SEC24B: variants seen among roughly 807,000 people sequenced by gnomAD.
SEC24B encodes SEC24 homolog B, COPII component, also known as protein transport protein Sec24B.
SEC24B carries 45 observed loss-of-function variants against 142.8 expected under a neutral mutation model. That is an observed-to-expected ratio of 0.32 (90% CI 0.25 to 0.40). SEC24B has a LOEUF of 0.40. Ranked by LOEUF, SEC24B falls within the 10% of genes least tolerant of loss-of-function variation. The probability of loss-of-function intolerance (pLI) is 1.00; values close to 1 mark genes in which losing one functional copy is unlikely to be tolerated. For missense variants in SEC24B, 1,409 were observed against 1,526.8 expected, an observed-to-expected ratio of 0.92 and a Z score of 1.29; for synonymous variants, 574 against 568.2, an observed-to-expected ratio of 1.01 and a Z score of -0.15.
At chr4:109,507,545 A>G (rs1347844038) in intron 7 of SEC24B, among the ~76,000 whole-genome samples, 1 of 152,086 alleles carries the variant, frequency 6.6e-6, no homozygotes, top group African/African-American at 2.4e-5. Context: ...AAGTGGTGGG[A>G]TTATAGGTGT....
intron 11 of SEC24B, among the ~76,000 whole-genome samples, chr4:109,517,164 A>G (rs905601367): frequency 6.6e-6 from 1 of 152,172 alleles, no homozygotes. Flanking sequence ...ATATATCTGC[A>G]CTCCCATGTT....
chr4:109,480,018 C>G (rs1313006334), intron 3 of SEC24B, among the ~76,000 whole-genome samples: 1 of 151,922 alleles, frequency 6.6e-6, no homozygotes, highest in African/African-American at 2.4e-5. Context: ...TTATTTACAT[C>G]GATTTTTATT....
In SEC24B at chr4:109,539,847, C is replaced by G; in HGVS notation, c.*172C>G. On this transcript the variant is annotated 3_prime_UTR_variant, in exon 24 of 24. Coordinates refer to ENST00000265175, the MANE Select transcript of SEC24B (RefSeq NM_006323.5). Reference sequence around the variant, plus strand: ...AAGGGGAAGAAAGAACTTGACAGATCTTTTTCAACTCAAATTAATGGTAAC... The same window carrying G: ...AAGGGGAAGAAAGAACTTGACAGATGTTTTTCAACTCAAATTAATGGTAAC... 1 of 576,430 alleles carries G rather than the reference C, an allele frequency of 1.7e-6. No homozygotes were observed. The highest frequency in any genetic ancestry group is 3.0e-6 in the Non-Finnish European group (1 of 328,344). 35.7% of individuals were successfully genotyped at this position (576,430 alleles called of 1,614,324 possible). A position where few individuals can be genotyped will look rare whatever the true frequency, so the allele number is the denominator to read the frequency against.
At chr4:109,450,967 A>G (rs1730019209) in intron 1 of SEC24B, 1 of 152,022 alleles carries the variant, frequency 6.6e-6, no homozygotes, top group Non-Finnish European at 1.5e-5. Flanking sequence ...TAGACACCCA[A>G]TCAGCATAAC....
chr4:109,539,535 G>A, intron 23 of SEC24B, 26 bp from the exon 24 acceptor site: 1 of 1,430,330 alleles, frequency 7.0e-7, no homozygotes, highest in Non-Finnish European at 9.9e-7. Flanking sequence ...AATACGTTTA[G>A]ACAAATGCCC....
At chr4:109,497,751 A>G (rs1411179439) in intron 6 of SEC24B, among the ~76,000 whole-genome samples, 1 of 152,184 alleles carries the variant, frequency 6.6e-6, no homozygotes, top group African/African-American at 2.4e-5. Flanking sequence ...GTGTGGGGCC[A>G]TTATGAATGA....
At chr4:109,535,401 A>T (rs1015572723) in intron 22 of SEC24B, among the ~76,000 whole-genome samples, 2 of 151,886 alleles carry the variant, frequency 1.3e-5, no homozygotes, top group South Asian at 4.2e-4. Flanking sequence ...AAAAATACAA[A>T]AAAAATTAGC....
chr4:109,433,901 C>T lies in SEC24B; in HGVS notation c.32C>T (p.Ala11Val), dbSNP rs1213689879. MSAPAGSSHP[A>V]ASARIPPKFG... ...GCCCCCGCCGGGTCCTCTCACCCGG[C>T]CGCCAGCGCCCGGATCCCGCCCAAG... Residue 11 changes from alanine to valine, a missense_variant, in exon 1 of 24, where the codon GCC (alanine) becomes GTC (valine). Coordinates refer to ENST00000265175, the MANE Select transcript of SEC24B (RefSeq NM_006323.5). 3.0e-6 allele frequency: 4 copies of T among 1,339,612 alleles called. No homozygotes were observed. Among genetic ancestry groups the T allele is most frequent in the Admixed American group, 6.2e-5 (2 of 32,232 alleles). 83.0% of individuals were successfully genotyped at this position (1,339,612 alleles called of 1,614,324 possible).
intron 19 of SEC24B, among the ~76,000 whole-genome samples, chr4:109,530,895 CAAAAAA>C (rs35997146): frequency 6.5e-5 from 3 of 46,342 alleles, no homozygotes; most frequent in Non-Finnish European, 8.8e-5. Flanking sequence ...GACTCCGTCT[CAAAAAA>C]AAAAAAAAAA....
chr4:109,486,604 A>T (rs1399954237), intron 4 of SEC24B, among the ~76,000 whole-genome samples: 1 of 152,152 alleles, frequency 6.6e-6, no homozygotes, highest in Non-Finnish European at 1.5e-5. Context: ...ATTTCCAAGT[A>T]CTGCATTTCA....
chr4:109,434,044 G>C (rs1728126420), intron 1 of SEC24B, 42 bp downstream of exon 1: 1 of 1,062,514 alleles, frequency 9.4e-7, no homozygotes, highest in Non-Finnish European at 1.1e-6. Context: ...CCTAGCACCG[G>C]CTGGGCGGCC....
At chr4:109,526,946 C>A (rs997456338) in intron 17 of SEC24B, among the ~76,000 whole-genome samples, 1 of 152,054 alleles carries the variant, frequency 6.6e-6, no homozygotes, top group Non-Finnish European at 1.5e-5. Context: ...CTGGATGTGG[C>A]GGTGGCTCAC....
At chr4:109,531,292 AT>A in intron 19 of SEC24B, 92 bp from the exon 20 acceptor site, 5 of 1,088,778 alleles carry the variant, frequency 4.6e-6, no homozygotes, top group Non-Finnish European at 6.6e-6. Context: ...TTTAAAGGCC[AT>A]GCTTTTTCCA....
At chr4:109,492,699 T>C (rs1469421859) in intron 5 of SEC24B, among the ~76,000 whole-genome samples, 12 of 152,188 alleles carry the variant, frequency 7.9e-5, no homozygotes, top group Admixed American at 7.9e-4. Flanking sequence ...AATAGATCTA[T>C]AGAAACCTAG....
Position 109,530,422 on chromosome 4 carries a change from C to G in SEC24B, c.3210C>G (p.Ser1070=). Residue 1070 remains serine (S), a synonymous_variant, in exon 19 of 24, where the codon TCC becomes TCG. Transcript: ENST00000265175. ...LQHSALMAPS[S]LKLFPLYVLA... is the part of the protein sequence containing the mutation. ...ACTCTGCATTGATGGCGCCCAGCTC[C>G]CTCAAGTTGTTTCCTCTCTATGTTT... The G allele has an allele frequency of 6.2e-7, 1 of 1,614,044 alleles. No homozygotes were observed. Among genetic ancestry groups the G allele is most frequent in the Non-Finnish European group, 8.5e-7 (1 of 1,179,980 alleles).
chr4:109,487,395 TG>T (rs1335526644), intron 4 of SEC24B, among the ~76,000 whole-genome samples: 1 of 152,102 alleles, frequency 6.6e-6, no homozygotes, highest in African/African-American at 2.4e-5. Flanking sequence ...AGAAGTTTGG[TG>T]TAACTGCAAA....
intron 2 of SEC24B, among the ~76,000 whole-genome samples, chr4:109,471,324 C>T (rs1166331867): frequency 6.6e-6 from 1 of 151,780 alleles, no homozygotes; most frequent in African/African-American, 2.4e-5. Flanking sequence ...TTGTATTTTT[C>T]AGTAGAGATA....
At chr4:109,525,941 GTAAAT>G (rs917373569) in intron 16 of SEC24B, among the ~76,000 whole-genome samples, 21 of 151,972 alleles carry the variant, frequency 1.4e-4, no homozygotes, top group African/African-American at 4.8e-4. Context: ...GCTTAATTTT[GTAAAT>G]TAAATGTTTA....
chr4:109,495,585 T>C (rs1019854146), intron 6 of SEC24B, among the ~76,000 whole-genome samples: 2 of 152,196 alleles, frequency 1.3e-5, no homozygotes, highest in Admixed American at 1.3e-4. Flanking sequence ...CAATGTCTTA[T>C]TTACCTAGGG....
Sources: gnomAD v4.1 joint callset for allele counts (sites outside exome capture counted in the v4.1 genomes callset) on GRCh38, gnomAD v4.1.1 for gene constraint, MANE v1.5 for transcripts, NCBI Gene and HGNC (gene_info 2026-07-23, HGNC 2026-07-21) for gene names.